The following MIPEP variants were observed in gnomAD, a reference collection of about 807,000 sequenced individuals.
MIPEP encodes mitochondrial intermediate peptidase.
MIPEP carries 79 observed loss-of-function variants against 90.3 expected under a neutral mutation model. The observed-to-expected ratio is 0.87, with a 90% confidence interval of 0.73 to 1.05. The LOEUF is 1.05. MIPEP is among the 50% of genes least tolerant of loss of function. The pLI is 0.00. For synonymous variants in MIPEP, 334 were observed against 315.8 expected (o/e 1.06, Z -0.61); for missense variants, 940 against 905.6 (o/e 1.04, Z -0.49).
intron 18 of MIPEP, among the ~76,000 whole-genome samples, chr13:23,731,774 T>C (rs1040434957): frequency 4.6e-5 from 7 of 152,130 alleles, no homozygotes; most frequent in South Asian, 2.1e-4. Flanking sequence ...CTTTGACCCA[T>C]TGTAAAAATA....
At chr13:23,867,183 C>T (rs1029241394) in intron 7 of MIPEP, among the ~76,000 whole-genome samples, 3 of 152,160 alleles carry the variant, frequency 2.0e-5, no homozygotes, top group Non-Finnish European at 4.4e-5. Context: ...ACCTGCTGCA[C>T]TTGCATCAAG....
chr13:23,803,887 A>C (rs1348823360), intron 16 of MIPEP, among the ~76,000 whole-genome samples: 3 of 148,334 alleles, frequency 2.0e-5, no homozygotes, highest in African/African-American at 7.3e-5. Flanking sequence ...CCTTAAAATA[A>C]TGTCTTTTTT....
intron 10 of MIPEP, among the ~76,000 whole-genome samples, chr13:23,854,998 A>G (rs1204427273): frequency 6.6e-6 from 1 of 152,240 alleles, no homozygotes; most frequent in Non-Finnish European, 1.5e-5. Context: ...GTGTTTCCAA[A>G]GCATCAAAAA....
chr13:23,775,442 C>T (rs982464225), intron 16 of MIPEP, among the ~76,000 whole-genome samples: 4 of 152,056 alleles, frequency 2.6e-5, no homozygotes, highest in Admixed American at 6.6e-5. Context: ...ATTCCTTATC[C>T]GCAGTTACTG....
At chr13:23,771,823 T>C (rs897393730) in intron 16 of MIPEP, among the ~76,000 whole-genome samples, 1 of 152,144 alleles carries the variant, frequency 6.6e-6, no homozygotes, top group Non-Finnish European at 1.5e-5. Context: ...GTTTGAATAA[T>C]TGCTGCTCCC....
chr13:23,869,603 A>G (rs1870694371), intron 6 of MIPEP, among the ~76,000 whole-genome samples, 155 bp from the exon 7 acceptor site: 1 of 152,230 alleles, frequency 6.6e-6, no homozygotes, highest in Non-Finnish European at 1.5e-5. Context: ...TTCCAGAGTC[A>G]TAAAATAGCA....
chr13:23,862,193 AAGACTAAATGGACCTGT>A (rs1870336344), intron 9 of MIPEP, 92 bp downstream of exon 9: 1 of 693,898 alleles, frequency 1.4e-6, no homozygotes, highest in African/African-American at 1.8e-5. Flanking sequence ...GATCAGAAAC[AAGACTAAATGGACCTGT>A]AGCCTATCAC....
intron 18 of MIPEP, among the ~76,000 whole-genome samples, chr13:23,736,673 G>A (rs140418499): frequency 2.0e-5 from 3 of 152,132 alleles, no homozygotes; most frequent in African/African-American, 7.2e-5. Flanking sequence ...AGAAAGTGAG[G>A]AGAAAAATAC....
At chr13:23,770,869 A>G (rs548709563) in intron 16 of MIPEP, among the ~76,000 whole-genome samples, 33 of 152,332 alleles carry the variant, frequency 2.2e-4, no homozygotes, top group African/African-American at 7.9e-4. Flanking sequence ...TCACCTCAGC[A>G]TTGGCCGTGG....
At chr13:23,791,168 C>A (rs1304397191) in intron 16 of MIPEP, among the ~76,000 whole-genome samples, 1 of 152,162 alleles carries the variant, frequency 6.6e-6, no homozygotes, top group East Asian at 1.9e-4. Flanking sequence ...CTCTGAATAA[C>A]CCTCAGGTCC....
At chr13:23,734,287 T>TTGAACTC (rs1328938471) in intron 18 of MIPEP, among the ~76,000 whole-genome samples, 2 of 152,204 alleles carry the variant, frequency 1.3e-5, no homozygotes, top group Non-Finnish European at 2.9e-5. Context: ...TTCTTGCTTA[T>TTGAACTC]TGAACTCTCT....
At chr13:23,774,882 C>A (rs1455101150) in intron 16 of MIPEP, among the ~76,000 whole-genome samples, 1 of 149,444 alleles carries the variant, frequency 6.7e-6, no homozygotes, top group African/African-American at 2.5e-5. Context: ...GCGGCCTCTG[C>A]CTCCCAGGTT....
In MIPEP at chr13:23,753,755, G is replaced by C. The variant is rs1253876442; in HGVS notation, c.2044+2790C>G. Among the ~76,000 whole-genome samples, 6 of 152,226 alleles carry C rather than the reference G, an allele frequency of 3.9e-5. No homozygotes were observed. The East Asian group carries it at 1.2e-3, about 29-fold the overall frequency. On this transcript the variant is annotated intron_variant, in intron 18 of 18. Transcript: ENST00000382172. ...GCCGAGGGACTCAGAGCTCTGAGCAGAGCCCTGTTCCCAAGGGATGACTCA... is the reference window on the plus strand; with the variant it reads ...GCCGAGGGACTCAGAGCTCTGAGCACAGCCCTGTTCCCAAGGGATGACTCA...
At chr13:23,742,517 A>T (rs1565978657) in intron 18 of MIPEP, among the ~76,000 whole-genome samples, 1 of 152,252 alleles carries the variant, frequency 6.6e-6, no homozygotes. Flanking sequence ...CATTTAACAC[A>T]CAGAAATGCT....
intron 16 of MIPEP, among the ~76,000 whole-genome samples, chr13:23,799,413 C>T (rs377647525): frequency 5.8e-4 from 89 of 152,162 alleles, no homozygotes; most frequent in African/African-American, 1.9e-3. Flanking sequence ...CTGCAAGCTC[C>T]GCCTTCTGGG....
At chr13:23,730,469 A>G (rs747099382) in intron 18 of MIPEP, 24 bp from the exon 19 acceptor site, 43 of 1,518,866 alleles carry the variant, frequency 2.8e-5, no homozygotes, top group Non-Finnish European at 3.7e-5. Context: ...AAAGGTCAGA[A>G]CTGCGTTCAC....
intron 10 of MIPEP, among the ~76,000 whole-genome samples, chr13:23,853,773 G>A (rs1222560000): frequency 2.0e-5 from 3 of 151,710 alleles, no homozygotes; most frequent in Admixed American, 6.6e-5. Flanking sequence ...TCACTATGTT[G>A]GCCAGGCTGG....
At position 23,847,063 on chromosome 13, in the gene MIPEP, A is replaced by G. The variant is rs371730663; in HGVS notation, c.1107-5575T>C. ...GACCATCCTTTATAACTGCATGATA[A>G]CAGCATGGAAGTTGAAAAAAAATCA... On this transcript the variant is annotated intron_variant, in intron 10 of 18. Transcript: ENST00000382172. 5.9e-5 allele frequency among the ~76,000 whole-genome samples: 9 copies of G among 152,342 alleles called. 1 individual carries two copies. Among genetic ancestry groups the G allele is most frequent in the Admixed American group, 3.9e-4 (6 of 15,308 alleles).
intron 8 of MIPEP, among the ~76,000 whole-genome samples, chr13:23,862,612 T>C (rs370048285): frequency 1.3e-5 from 2 of 152,294 alleles, no homozygotes; most frequent in Non-Finnish European, 2.9e-5. Context: ...GTACTAAAGC[T>C]TGGAAAAACT....
Sources: allele counts gnomAD v4.1 joint callset (sites outside exome capture counted in the v4.1 genomes callset), GRCh38; gene constraint gnomAD v4.1.1; transcripts MANE v1.5; gene names NCBI Gene and HGNC (gene_info 2026-07-23, HGNC 2026-07-21).